The following GPN3 variants were observed in gnomAD, a reference collection of about 807,000 sequenced individuals.
GPN3 encodes ATP-binding domain 1 family member C.
Under a neutral mutation model 38.7 loss-of-function variants are expected in GPN3, and 31 were observed. That is an observed-to-expected ratio of 0.80 (90% CI 0.60 to 1.08). The LOEUF (loss-of-function observed/expected upper bound fraction) is 1.08, where lower values mean the gene tolerates loss of function less well. Ranked by LOEUF, GPN3 falls within the 50% of genes least tolerant of loss-of-function variation. GPN3 has a pLI of 0.00. For synonymous variants in GPN3, 116 were observed against 120.2 expected, an observed-to-expected ratio of 0.96 and a Z score of 0.23; for missense variants, 301 against 354.4, an observed-to-expected ratio of 0.85 and a Z score of 1.21.
At chr12:110,454,376 ATCTTT>A (rs1566301325) in intron 6 of GPN3, among the ~76,000 whole-genome samples, 1 of 148,022 alleles carries the variant, frequency 6.8e-6, no homozygotes, top group East Asian at 2.0e-4. Flanking sequence ...AAAAAACTTC[ATCTTT>A]TTTTTTCTTT....
Position 110,453,795 on chromosome 12 carries a change from T to C in GPN3, c.740A>G (p.His247Arg). The C allele has an allele frequency of 6.3e-7, 1 of 1,592,076 alleles. No individual in the cohort carries two copies. The highest frequency in any genetic ancestry group is 1.1e-5 in the South Asian group (1 of 90,650). Residue 247 changes from histidine (H) to arginine (R), a missense_variant, in exon 7 of 8, where the codon CAT becomes CGT. Transcript: ENST00000228827. ...TCCATATTGAATGGCAAAATCAATA[T>C]GCTGCAATACAATGTTCATGCTTTC... ...DEESMNIVLQ[H>R]IDFAIQYGED...
chr12:110,467,461 T>A (rs1438390678), intron 1 of GPN3, among the ~76,000 whole-genome samples: 1 of 152,190 alleles, frequency 6.6e-6, no homozygotes, highest in Non-Finnish European at 1.5e-5. Flanking sequence ...TTATATAAAA[T>A]CTTTAAATGT....
intron 2 of GPN3, chr12:110,461,372 T>A: frequency 1.7e-6 from 1 of 603,222 alleles, no homozygotes; most frequent in Non-Finnish European, 2.9e-6. Flanking sequence ...TCACTGATCG[T>A]CAAATACATC....
upstream of GPN3, chr12:110,468,337 C>A (rs1434842002): frequency 6.5e-7 from 1 of 1,545,272 alleles, no homozygotes; most frequent in East Asian, 2.4e-5. Flanking sequence ...CCTCCTACTA[C>A]GGGGCAGCCC....
rs1428744570 is a variant in GPN3 at position 110,461,276 on chromosome 12, GATTCACCAA to G, written c.158-1423_158-1415del. On this transcript the variant is annotated intron_variant, in intron 2 of 7. Transcript: ENST00000228827. ...GTCCAGAAAACGTAATGAGGATGAA[GATTCACCAA>G]ATAAGCCATATACTTTGGTTACCTA... 3.2e-6 allele frequency: 4 copies of G among 1,267,548 alleles called. No homozygotes were observed. In the African/African-American group the frequency reaches 5.9e-5, roughly 19 times the overall value. The allele number at this position is 1,267,548 out of a possible 1,614,324, so 78.5% of individuals were successfully genotyped here.
intron 1 of GPN3, among the ~76,000 whole-genome samples, chr12:110,466,991 ACTT>A (rs528676914): frequency 2.8e-4 from 41 of 148,554 alleles, no homozygotes; most frequent in South Asian, 1.5e-3. Flanking sequence ...GTGTTTCCAC[ACTT>A]CTTCTTTTTT....
upstream of GPN3, chr12:110,468,422 A>G (rs2062653186): frequency 2.6e-6 from 4 of 1,534,138 alleles, no homozygotes; most frequent in Non-Finnish European, 3.5e-6. Context: ...CGCGTGCGCA[A>G]AAGTAGTTGA....
At position 110,468,077 on chromosome 12, in the gene GPN3, C is replaced by A. The variant is rs770390430; in HGVS notation, c.48+79G>T. On this transcript the variant is annotated intron_variant, in intron 1 of 7. Transcript: ENST00000228827. ...TCAGGGTTCCCAGTACACACACCCG[C>A]CGGCTCACTCCCTCAGGACCCAATC... The A allele has an allele frequency of 1.9e-6, 3 of 1,609,128 alleles. No individual in the cohort carries two copies. The South Asian group carries it at 3.3e-5, about 18-fold the overall frequency.
At chr12:110,460,690 G>C (rs1366019871) in intron 2 of GPN3, among the ~76,000 whole-genome samples, 1 of 152,124 alleles carries the variant, frequency 6.6e-6, no homozygotes, top group African/African-American at 2.4e-5. Flanking sequence ...AATTAGGCTG[G>C]GCATGGTGGC....
chr12:110,468,143 C>T lies in GPN3; in HGVS notation c.48+13G>A, dbSNP rs755540392. The T allele has an allele frequency of 1.9e-5, 31 of 1,613,888 alleles. No individual in the cohort carries two copies. The Admixed American group carries it at 4.7e-4, about 24-fold the overall frequency. ...ACTCCTACTTTTCTCTCCTTGTCCC[C>T]GCAGATCCTCACCTTCCCGCTGCCC... On this transcript the variant is annotated intron_variant, in intron 1 of 7. Coordinates refer to ENST00000228827, the MANE Select transcript of GPN3 (RefSeq NM_016301.4).
chr12:110,463,036 G>A (rs1463904128), intron 2 of GPN3, among the ~76,000 whole-genome samples: 6 of 152,182 alleles, frequency 3.9e-5, no homozygotes, highest in African/African-American at 1.2e-4. Context: ...GATTACAGGC[G>A]TGAGCCACCA....
At chr12:110,457,437 G>A in intron 4 of GPN3, 73 bp downstream of exon 4, 1 of 1,267,276 alleles carries the variant, frequency 7.9e-7, no homozygotes, top group Admixed American at 3.5e-5. Flanking sequence ...AGGCAACAGA[G>A]TAAGACTCTG....
Position 110,458,770 on chromosome 12 carries a change from A to C in GPN3, c.325+925T>G, listed in dbSNP as rs1166507772. Among the ~76,000 whole-genome samples the C allele has an allele frequency of 1.3e-5, 2 of 152,030 alleles. No homozygotes were observed. The highest frequency in any genetic ancestry group is 2.9e-5 in the Non-Finnish European group (2 of 68,000). On this transcript the variant is annotated intron_variant, in intron 3 of 7. Transcript: ENST00000228827. This position sits in a 1 kb window ranked among gnomAD's most constrained non-coding sequence, Gnocchi z 4.4. ...ACTCCAGCCTGGGTGACAGGAATGA[A>C]ACTCAGTCTCAAAAAAAAGAAAAAA... is the stretch of plus-strand genomic sequence containing the variant.
At position 110,461,265 on chromosome 12, in the gene GPN3, A is replaced by C. The variant is rs2135522958; in HGVS notation, c.158-1403T>G. 10 of 1,326,000 alleles carry C rather than the reference A, an allele frequency of 7.5e-6. No individual in the cohort carries two copies. In the South Asian group the frequency reaches 1.2e-4, roughly 16 times the overall value. 82.1% of individuals were successfully genotyped at this position (1,326,000 alleles called of 1,614,324 possible). A position where few individuals can be genotyped will look rare whatever the true frequency, so the allele number is the denominator to read the frequency against. On this transcript the variant is annotated intron_variant, in intron 2 of 7. Transcript: ENST00000228827. ...CGTGTGCAGCTGTCCAGAAAACGTAATGAGGATGAAGATTCACCAAATAAG... is the reference window on the plus strand; with the variant it reads ...CGTGTGCAGCTGTCCAGAAAACGTACTGAGGATGAAGATTCACCAAATAAG...
At chr12:110,455,983 C>T (rs2062547085) in intron 4 of GPN3, 53 bp from the exon 5 acceptor site, 2 of 924,810 alleles carry the variant, frequency 2.2e-6, no homozygotes, top group Non-Finnish European at 3.6e-6. Flanking sequence ...CAACAGTTAC[C>T]TGGTCTGCAT....
rs758031674 is a variant in GPN3, at chr12:110,455,893, A to C, written c.488T>G (p.Ile163Ser). The change falls in exon 5 of 8, where the codon ATC becomes AGC. Residue 163 changes from isoleucine to serine, a missense_variant. Physicochemically the swap from Ile to Ser is moderately radical, Grantham distance 142. Coordinates refer to ENST00000228827, the MANE Select transcript of GPN3 (RefSeq NM_016301.4). ...SGILAALSAM[I>S]SLEIPQVNIM... is the part of the protein sequence containing the mutation. ...GTTGACTTGCGGAATTTCTAGAGAG[A>C]TCATGGCACTCAGGGCTGCCAAGAT... 1 of 1,608,916 alleles carries C rather than the reference A, an allele frequency of 6.2e-7. No individual in the cohort carries two copies. The highest frequency in any genetic ancestry group is 8.5e-7 in the Non-Finnish European group (1 of 1,175,224).
chr12:110,465,855 T>C (rs1291565483), intron 1 of GPN3, among the ~76,000 whole-genome samples: 1 of 152,112 alleles, frequency 6.6e-6, no homozygotes, highest in Non-Finnish European at 1.5e-5. Context: ...GGTCGACGGA[T>C]CACCTGAGGT....
chr12:110,459,481 C>T (rs2135520139), intron 3 of GPN3, among the ~76,000 whole-genome samples: 1 of 152,288 alleles, frequency 6.6e-6, no homozygotes, highest in African/African-American at 2.4e-5. Context: ...ACCTCGTGAT[C>T]CACCTGCCTC....
intron 1 of GPN3, among the ~76,000 whole-genome samples, chr12:110,466,620 C>T (rs1203051270): frequency 6.6e-6 from 1 of 151,882 alleles, no homozygotes; most frequent in African/African-American, 2.4e-5. Flanking sequence ...CTTAGCCCCC[C>T]GAGTAGGTGG....
Sources: gnomAD v4.1 joint callset for allele counts (sites outside exome capture counted in the v4.1 genomes callset) on GRCh38, gnomAD v4.1.1 for gene constraint, Gnocchi (gnomAD v3.1) non-coding constraint, MANE v1.5 for transcripts, NCBI Gene and HGNC (gene_info 2026-07-23, HGNC 2026-07-21) for gene names.